The following FER variants were observed in gnomAD, a reference collection of about 807,000 sequenced individuals.
FER encodes the protein FER tyrosine kinase.
Under a neutral mutation model 111.0 loss-of-function variants are expected in FER, and 63 were observed. The ratio of observed to expected loss-of-function variants is 0.57; its 90% CI spans 0.46 to 0.70. The LOEUF (loss-of-function observed/expected upper bound fraction) is 0.70, where lower values mean the gene tolerates loss of function less well. Ranked by LOEUF, FER falls within the 30% of genes least tolerant of loss-of-function variation. The pLI, the probability that FER is intolerant of heterozygous loss-of-function variation, is 0.00. For missense variants in FER, 914 were observed against 954.0 expected, an observed-to-expected ratio of 0.96 and a Z score of 0.55; for synonymous variants, 327 against 313.9, an observed-to-expected ratio of 1.04 and a Z score of -0.44.
At position 108,779,807 on chromosome 5, in the gene FER, T is replaced by C. The variant is rs190972437; in HGVS notation, c.-60+11569T>C. On this transcript the variant is annotated intron_variant, in intron 2 of 19. Coordinates refer to ENST00000281092, the MANE Select transcript of FER (RefSeq NM_005246.4). ...CTCCTTCTTATCTCACTGCATTAGC[T>C]AGGACTTCCAGTAAGATGTTGAGAA... Among the ~76,000 whole-genome samples the C allele has an allele frequency of 3.1e-3, 466 of 152,294 alleles. 2 individuals are homozygous for C. Among genetic ancestry groups the C allele is most frequent in the African/African-American group, 0.011 (442 of 41,578 alleles).
intron 13 of FER, among the ~76,000 whole-genome samples, chr5:108,986,109 G>GA (rs566715306): frequency 0.012 from 1,805 of 150,632 alleles, 18 homozygotes; most frequent in Non-Finnish European, 0.02. Context: ...ATTATTTTTT[G>GA]TTTTTTTTAT....
rs923216210 is a variant in FER at position 109,196,654 on chromosome 5, T to A, written c.*9079T>A. On this transcript the variant is annotated 3_prime_UTR_variant, in exon 20 of 20. Transcript: ENST00000281092. ...TTTTACATTCAAAAGAAATACACTT[T>A]GAACTTTGGCTAACATTGTAGGATA... 2 of 152,326 alleles carry A rather than the reference T, an allele frequency of 1.3e-5. No individual in the cohort carries two copies. Among genetic ancestry groups the A allele is most frequent in the East Asian group, 3.9e-4 (2 of 5,178 alleles). The allele number at this position is 152,326 out of a possible 1,614,324, so 9.4% of individuals were successfully genotyped here.
At chr5:109,064,008 G>A (rs1581867801) in intron 16 of FER, among the ~76,000 whole-genome samples, 1 of 152,110 alleles carries the variant, frequency 6.6e-6, no homozygotes, top group South Asian at 2.1e-4. Flanking sequence ...TGCGTAATAT[G>A]TTTGATATAA....
intron 16 of FER, among the ~76,000 whole-genome samples, chr5:109,077,156 A>C (rs1776438762): frequency 6.6e-6 from 1 of 152,222 alleles, no homozygotes; most frequent in African/African-American, 2.4e-5. Flanking sequence ...AATTTTAACA[A>C]TATTGCTAAA....
chr5:108,750,164 A>G (rs930798254), intron 1 of FER, among the ~76,000 whole-genome samples: 35 of 152,348 alleles, frequency 2.3e-4, no homozygotes, highest in Admixed American at 1.8e-3. Context: ...AGGTTACCAT[A>G]TATAAAAGTG....
intron 14 of FER, among the ~76,000 whole-genome samples, chr5:109,041,252 G>C (rs760587574): frequency 6.6e-6 from 1 of 152,126 alleles, no homozygotes; most frequent in Non-Finnish European, 1.5e-5. Flanking sequence ...CAGACTTGTA[G>C]ATTTGCTAAG....
chr5:108,881,640 A>G (rs976245213), intron 8 of FER, among the ~76,000 whole-genome samples: 1 of 152,178 alleles, frequency 6.6e-6, no homozygotes, highest in Non-Finnish European at 1.5e-5. Flanking sequence ...CAAGATGTCA[A>G]CTGATTTGGG....
chr5:108,908,694 C>G (rs2150353365), intron 10 of FER, among the ~76,000 whole-genome samples: 1 of 148,788 alleles, frequency 6.7e-6, no homozygotes, highest in Admixed American at 6.8e-5. Context: ...GCACTCTAGC[C>G]TGGGCGAGTG....
At chr5:108,822,160 C>G (rs1047504792) in intron 3 of FER, among the ~76,000 whole-genome samples, 1 of 152,092 alleles carries the variant, frequency 6.6e-6, no homozygotes, top group Non-Finnish European at 1.5e-5. Context: ...AATCCCTGTT[C>G]TCAAAAATGG....
intron 14 of FER, among the ~76,000 whole-genome samples, chr5:109,042,801 G>C (rs2149896944): frequency 6.6e-6 from 1 of 152,254 alleles, no homozygotes; most frequent in Middle Eastern, 3.4e-3. Flanking sequence ...GAAAAATGTA[G>C]AAAAGGCATG....
intron 17 of FER, among the ~76,000 whole-genome samples, chr5:109,149,155 C>T (rs1303466639): frequency 6.6e-6 from 1 of 152,070 alleles, no homozygotes; most frequent in African/African-American, 2.4e-5. Flanking sequence ...GTGAATGTTT[C>T]TGTGACCATA....
At chr5:108,884,883 T>C (rs1746868268) in intron 9 of FER, among the ~76,000 whole-genome samples, 1 of 152,076 alleles carries the variant, frequency 6.6e-6, no homozygotes, top group Non-Finnish European at 1.5e-5. Flanking sequence ...CATTGCTAGC[T>C]AAATTTAGAA....
At chr5:108,787,382 G>A (rs570790187) in intron 2 of FER, among the ~76,000 whole-genome samples, 3 of 152,306 alleles carry the variant, frequency 2.0e-5, no homozygotes, top group African/African-American at 7.2e-5. Context: ...GGGACAGTCA[G>A]TTTGGGTGCC....
At chr5:109,087,243 C>T (rs1777669330) in intron 16 of FER, among the ~76,000 whole-genome samples, 1 of 151,602 alleles carries the variant, frequency 6.6e-6, no homozygotes, top group South Asian at 2.1e-4. Flanking sequence ...GTCATATGTT[C>T]TGTATGACTT....
At chr5:108,826,088 T>G (rs1256967369) in intron 3 of FER, among the ~76,000 whole-genome samples, 1 of 152,222 alleles carries the variant, frequency 6.6e-6, no homozygotes, top group Non-Finnish European at 1.5e-5. Flanking sequence ...TTTATTATGT[T>G]GAGATACATT....
Position 109,013,083 on chromosome 5 carries a change from T to G in FER, c.1657-24339T>G, listed in dbSNP as rs1766517308. Among the ~76,000 whole-genome samples the G allele has an allele frequency of 2.0e-5, 3 of 151,746 alleles. No homozygotes were observed. The South Asian group carries it at 6.2e-4, about 32-fold the overall frequency. On this transcript the variant is annotated intron_variant, in intron 13 of 19. Transcript: ENST00000281092. ...TTTTTTTTTTTTAATTTAATTTAAT[T>G]TTATTATTATTATACTTTAAGTTTT...
intron 17 of FER, among the ~76,000 whole-genome samples, chr5:109,110,395 CAGTG>C (rs1385735881): frequency 6.6e-6 from 1 of 151,970 alleles, no homozygotes; most frequent in Non-Finnish European, 1.5e-5. Context: ...ATGTGAATAT[CAGTG>C]AGAAGAGCCT....
At position 109,195,180 on chromosome 5, in the gene FER, G is replaced by C. The variant is rs751579189; in HGVS notation, c.*7605G>C. 6.6e-6 allele frequency: 1 copy of C among 152,186 alleles called. No homozygotes were observed. Among genetic ancestry groups the C allele is most frequent in the Non-Finnish European group, 1.5e-5 (1 of 68,032 alleles). The allele number at this position is 152,186 out of a possible 1,614,324, so 9.4% of individuals were successfully genotyped here. A position where few individuals can be genotyped will look rare whatever the true frequency, so the allele number is the denominator to read the frequency against. On this transcript the variant is annotated 3_prime_UTR_variant, in exon 20 of 20. Transcript: ENST00000281092. ...CCAGACAGTTGGAAGCAAATGCCGA[G>C]GGAAAGGTGCCCAGAGCCATGCTTG...
At chr5:108,956,276 G>A (rs891549614) in intron 12 of FER, among the ~76,000 whole-genome samples, 3 of 151,508 alleles carry the variant, frequency 2.0e-5, no homozygotes, top group Admixed American at 6.6e-5. Context: ...TATTTATTAC[G>A]TGGTATGAGA....
Sources: allele counts gnomAD v4.1 joint callset (sites outside exome capture counted in the v4.1 genomes callset), GRCh38; gene constraint gnomAD v4.1.1; transcripts MANE v1.5; gene names NCBI Gene and HGNC (gene_info 2026-07-23, HGNC 2026-07-21).